The following CARMIL1 variants were observed in gnomAD, a reference collection of about 807,000 sequenced individuals.
CARMIL1 encodes F-actin-uncapping protein LRRC16A.
CARMIL1 carries 90 observed loss-of-function variants against 177.1 expected under a neutral mutation model. The ratio of observed to expected loss-of-function variants is 0.51; its 90% CI spans 0.43 to 0.61. The LOEUF is 0.61. CARMIL1 is among the 20% of genes least tolerant of loss of function. CARMIL1 has a pLI of 0.00. For synonymous variants in CARMIL1, 577 were observed against 606.2 expected (o/e 0.95, Z 0.71); for missense variants, 1,380 against 1,667.0 (o/e 0.83, Z 3.00).
At chr6:25,576,656 G>A (rs534220096) in intron 29 of CARMIL1, among the ~76,000 whole-genome samples, 2 of 152,248 alleles carry the variant, frequency 1.3e-5, no homozygotes, top group Non-Finnish European at 1.5e-5. Flanking sequence ...CCCCAAATGA[G>A]GTTAATGCCT....
chr6:25,454,204 C>T (rs1171878266), intron 8 of CARMIL1, among the ~76,000 whole-genome samples: 1 of 152,108 alleles, frequency 6.6e-6, no homozygotes, highest in African/African-American at 2.4e-5. Context: ...AATTAAGGGG[C>T]TGGAAGGACA....
Position 25,346,716 on chromosome 6 carries a change from G to T in CARMIL1, c.138+61807G>T, listed in dbSNP as rs565366775. On this transcript the variant is annotated intron_variant, in intron 2 of 36. Coordinates refer to ENST00000329474, the MANE Select transcript of CARMIL1 (RefSeq NM_017640.6). ...GGGTGTCATAAGTATTTGTTTAAGA[G>T]AAAAATAACTATTTCTGGCTCTAGG... Among the ~76,000 whole-genome samples the T allele has an allele frequency of 1.9e-4, 29 of 152,142 alleles. No homozygotes were observed. The South Asian group carries it at 4.8e-3, about 25-fold the overall frequency.
rs1332852730 is a variant in CARMIL1 at position 25,586,211 on chromosome 6, G to A, written c.3006+4772G>A. ...TCACTTCCCGGACGGGGTGGCTGCCGGGCGGAGGGGCTCCTCACTTCTCAG... is the reference window on the plus strand; with the variant it reads ...TCACTTCCCGGACGGGGTGGCTGCCAGGCGGAGGGGCTCCTCACTTCTCAG... On this transcript the variant is annotated intron_variant, in intron 31 of 36. Coordinates refer to ENST00000329474, the MANE Select transcript of CARMIL1 (RefSeq NM_017640.6). Among the ~76,000 whole-genome samples the A allele has an allele frequency of 3.5e-3, 506 of 145,900 alleles. 2 individuals carry two copies. Among genetic ancestry groups the A allele is most frequent in the African/African-American group, 0.011 (422 of 37,328 alleles).
intron 2 of CARMIL1, among the ~76,000 whole-genome samples, chr6:25,345,172 T>A (rs938188998): frequency 1.3e-5 from 2 of 152,152 alleles, no homozygotes; most frequent in Non-Finnish European, 2.9e-5. Flanking sequence ...ACCCACTCCC[T>A]TCTTACTTCA....
chr6:25,568,904 T>C (rs1448236551), intron 29 of CARMIL1, among the ~76,000 whole-genome samples: 1 of 152,198 alleles, frequency 6.6e-6, no homozygotes, highest in African/African-American at 2.4e-5. Flanking sequence ...AAACAATAGC[T>C]AAGAGATTGC....
intron 2 of CARMIL1, among the ~76,000 whole-genome samples, chr6:25,373,394 T>C (rs1355765945): frequency 4.8e-4 from 5 of 10,470 alleles, no homozygotes. Context: ...GCCTTCGGCT[T>C]TTTTTTTTTT....
intron 20 of CARMIL1, among the ~76,000 whole-genome samples, chr6:25,511,063 T>C (rs143155494): frequency 6.6e-6 from 1 of 152,330 alleles, no homozygotes; most frequent in East Asian, 1.9e-4. Context: ...TAACTTTAGC[T>C]AATAAACTAA....
chr6:25,617,432 A>G (rs1327084307), intron 36 of CARMIL1, among the ~76,000 whole-genome samples: 1 of 152,184 alleles, frequency 6.6e-6, no homozygotes, highest in Non-Finnish European at 1.5e-5. Context: ...GAAAAGCTTG[A>G]TTATCCTTTA....
chr6:25,303,575 G>A (rs899534412), intron 2 of CARMIL1, among the ~76,000 whole-genome samples: 1 of 152,190 alleles, frequency 6.6e-6, no homozygotes, highest in Non-Finnish European at 1.5e-5. Flanking sequence ...TTCTTGAAGC[G>A]CCAATTATCA....
chr6:25,472,840 T>G (rs1407915685), intron 11 of CARMIL1, among the ~76,000 whole-genome samples: 1 of 152,230 alleles, frequency 6.6e-6, no homozygotes, highest in African/African-American at 2.4e-5. Flanking sequence ...TATCTCATAC[T>G]GTCCTTGGCT....
chr6:25,371,740 G>A (rs776795526), intron 2 of CARMIL1, among the ~76,000 whole-genome samples: 3 of 151,984 alleles, frequency 2.0e-5, no homozygotes, highest in Non-Finnish European at 4.4e-5. Flanking sequence ...GTGATTTGCT[G>A]TGCAGAAGCT....
Position 25,620,400 on chromosome 6 carries a change from T to C in CARMIL1, c.*817T>C, listed in dbSNP as rs1759645890. ...TTTAATGTGTGATTTTAAGAGAGAA[T>C]ACTTTGACACCTGTAAAAATCAAAA... On this transcript the variant is annotated 3_prime_UTR_variant, in exon 37 of 37. Coordinates refer to ENST00000329474, the MANE Select transcript of CARMIL1 (RefSeq NM_017640.6). 1 of 152,246 alleles carries C rather than the reference T, an allele frequency of 6.6e-6. No individual in the cohort carries two copies. The highest frequency in any genetic ancestry group is 2.1e-4 in the South Asian group (1 of 4,834). The allele number at this position is 152,246 out of a possible 1,614,324, so 9.4% of individuals were successfully genotyped here. A position where few individuals can be genotyped will look rare whatever the true frequency, so the allele number is the denominator to read the frequency against.
chr6:25,281,502 GTC>G lies in CARMIL1; in HGVS notation c.40+1669_40+1670del, dbSNP rs200476987. 7.4e-3 allele frequency among the ~76,000 whole-genome samples: 1,123 copies of G among 152,230 alleles called. 12 individuals are homozygous for G. Among genetic ancestry groups the G allele is most frequent in the African/African-American group, 0.023 (939 of 41,528 alleles). On this transcript the variant is annotated intron_variant, in intron 1 of 36. Coordinates refer to ENST00000329474, the MANE Select transcript of CARMIL1 (RefSeq NM_017640.6). ...GTGAAGGGTAGAGTGGAAATAAGGT[GTC>G]TGGGTTTCTATTCATGGTTCTCAAA...
chr6:25,585,632 G>A (rs139647265), intron 31 of CARMIL1, among the ~76,000 whole-genome samples: 2,941 of 152,250 alleles, frequency 0.019, 81 homozygotes, highest in African/African-American at 0.061. Context: ...AATAGTGGAG[G>A]GAAGGTCAGC....
intron 2 of CARMIL1, among the ~76,000 whole-genome samples, chr6:25,363,446 A>G (rs1382475357): frequency 6.6e-6 from 1 of 152,088 alleles, no homozygotes; most frequent in Non-Finnish European, 1.5e-5. Context: ...TGGTGTATAC[A>G]TGTTTATTAT....
intron 2 of CARMIL1, among the ~76,000 whole-genome samples, chr6:25,293,222 C>T (rs557327616): frequency 2.9e-4 from 44 of 149,400 alleles, no homozygotes; most frequent in Admixed American, 1.3e-3. Flanking sequence ...CTTTCCCCAG[C>T]TCTTTGAGGA....
chr6:25,333,286 G>C (rs983401408), intron 2 of CARMIL1, among the ~76,000 whole-genome samples: 5 of 152,162 alleles, frequency 3.3e-5, no homozygotes, highest in Admixed American at 6.5e-5. Context: ...TATGCGGCTG[G>C]GCATAGTGGC....
Position 25,530,552 on chromosome 6 carries a change from A to G in CARMIL1, c.2067+1659A>G, listed in dbSNP as rs376165011. Reference sequence around the variant, plus strand: ...AAGGGAACTAAAATCAATTCTTAGCATCAATCCCAATTAGTAGACGTAAAC... The same window carrying G: ...AAGGGAACTAAAATCAATTCTTAGCGTCAATCCCAATTAGTAGACGTAAAC... On this transcript the variant is annotated intron_variant, in intron 24 of 36. Transcript: ENST00000329474. Among the ~76,000 whole-genome samples, 10 of 152,290 alleles carry G rather than the reference A, an allele frequency of 6.6e-5. No homozygotes were observed. The East Asian group carries it at 1.5e-3, about 24-fold the overall frequency.
intron 2 of CARMIL1, among the ~76,000 whole-genome samples, chr6:25,330,018 T>C (rs1343770325): frequency 6.6e-6 from 1 of 152,208 alleles, no homozygotes; most frequent in Non-Finnish European, 1.5e-5. Flanking sequence ...GACACTGTTG[T>C]AGGTCAGGAA....
Sources: allele counts gnomAD v4.1 joint callset (sites outside exome capture counted in the v4.1 genomes callset), GRCh38; gene constraint gnomAD v4.1.1; transcripts MANE v1.5; gene names NCBI Gene and HGNC (gene_info 2026-07-23, HGNC 2026-07-21).